SLC24A3: variants seen among roughly 807,000 people sequenced by gnomAD.
SLC24A3 encodes sodium/potassium/calcium exchanger 3.
Under a neutral mutation model 75.8 loss-of-function variants are expected in SLC24A3, and 28 were observed. The observed-to-expected ratio is 0.37, with a 90% CI of 0.27 to 0.51. The LOEUF is 0.51. SLC24A3 is among the 20% of genes least tolerant of loss of function. The probability of loss-of-function intolerance (pLI) is 0.94; values close to 1 mark genes in which losing one functional copy is unlikely to be tolerated. For missense variants in SLC24A3, 663 were observed against 847.8 expected, an observed-to-expected ratio of 0.78 and a Z score of 2.71; for synonymous variants, 372 against 334.1, an observed-to-expected ratio of 1.11 and a Z score of -1.24.
At chr20:19,609,179 C>T (rs1054400131) in intron 6 of SLC24A3, among the ~76,000 whole-genome samples, 4 of 152,122 alleles carry the variant, frequency 2.6e-5, no homozygotes, top group South Asian at 2.1e-4. Flanking sequence ...CCCAAACTCT[C>T]TTTATGACCA....
At chr20:19,459,919 C>T (rs1823370213) in intron 2 of SLC24A3, among the ~76,000 whole-genome samples, 2 of 152,198 alleles carry the variant, frequency 1.3e-5, no homozygotes, top group Admixed American at 6.5e-5. Context: ...CTATAAATCT[C>T]CTGGAGGTCT....
chr20:19,343,958 G>A (rs563670461), intron 2 of SLC24A3, among the ~76,000 whole-genome samples: 2 of 152,230 alleles, frequency 1.3e-5, no homozygotes, highest in South Asian at 2.1e-4. Flanking sequence ...TATTTCCTGT[G>A]GACCTCACCT....
intron 1 of SLC24A3, among the ~76,000 whole-genome samples, chr20:19,251,401 G>A (rs942777238): frequency 1.4e-4 from 22 of 152,196 alleles, no homozygotes; most frequent in Admixed American, 1.3e-3. Context: ...TGTCTGTTTC[G>A]CCAGTGTCTT....
chr20:19,603,259 C>A (rs2031551970), intron 6 of SLC24A3, among the ~76,000 whole-genome samples: 1 of 152,168 alleles, frequency 6.6e-6, no homozygotes, highest in South Asian at 2.1e-4. Flanking sequence ...GCAGTCCTGG[C>A]CACACCACAG....
In SLC24A3 at chr20:19,669,962, T is replaced by C. The variant is rs558319697; in HGVS notation, c.714-3639T>C. 6.1e-4 allele frequency among the ~76,000 whole-genome samples: 92 copies of C among 151,616 alleles called. 1 individual carries two copies. Among genetic ancestry groups the C allele is most frequent in the Admixed American group, 6.0e-3 (91 of 15,242 alleles). On this transcript the variant is annotated intron_variant, in intron 8 of 16. Transcript: ENST00000328041. ...GATCCTCAGAGGACAGCGGGTGAGG[T>C]GTGCTCAGGAGGAAAGGGGAGAAGG...
intron 9 of SLC24A3, among the ~76,000 whole-genome samples, chr20:19,674,069 G>A (rs913342633): frequency 6.6e-6 from 1 of 152,178 alleles, no homozygotes; most frequent in African/African-American, 2.4e-5. Flanking sequence ...CCGGTGGTCT[G>A]TGTAGACCCA....
chr20:19,659,027 G>T (rs766600887), intron 7 of SLC24A3, among the ~76,000 whole-genome samples: 9 of 152,222 alleles, frequency 5.9e-5, no homozygotes, highest in Non-Finnish European at 1.3e-4. Context: ...TGCTCTAAAA[G>T]AAATACTTTA....
At chr20:19,646,448 G>A (rs2032138063) in intron 6 of SLC24A3, among the ~76,000 whole-genome samples, 2 of 151,998 alleles carry the variant, frequency 1.3e-5, no homozygotes, top group Admixed American at 1.3e-4. Context: ...TATCTTATCT[G>A]GCAACTTTTA....
chr20:19,360,006 G>A (rs1353443014), intron 2 of SLC24A3, among the ~76,000 whole-genome samples: 5 of 152,242 alleles, frequency 3.3e-5, no homozygotes, highest in African/African-American at 9.6e-5. Context: ...GTCTACACAT[G>A]TAAAGTCTTA....
At chr20:19,507,545 C>T (rs6106094) in intron 2 of SLC24A3, among the ~76,000 whole-genome samples, 2,764 of 152,322 alleles carry the variant, frequency 0.018, 72 homozygotes, top group African/African-American at 0.063. Flanking sequence ...TCCTGATGTA[C>T]CTTTCAAGAA....
intron 2 of SLC24A3, among the ~76,000 whole-genome samples, chr20:19,339,283 G>A (rs542031267): frequency 6.6e-6 from 1 of 152,070 alleles, no homozygotes; most frequent in South Asian, 2.1e-4. Context: ...TATTTTTTAG[G>A]TATCTAGTTT....
At chr20:19,554,848 A>G (rs1440668838) in intron 3 of SLC24A3, among the ~76,000 whole-genome samples, 8 of 152,208 alleles carry the variant, frequency 5.3e-5, no homozygotes, top group Non-Finnish European at 1.2e-4. Context: ...TGGAGAAGTC[A>G]GAGTTTAGCA....
At chr20:19,585,132 A>AG in intron 5 of SLC24A3, 77 bp downstream of exon 5, 1 of 1,315,970 alleles carries the variant, frequency 7.6e-7, no homozygotes, top group Non-Finnish European at 1.1e-6. Context: ...TGGCCCCCAG[A>AG]CCGAGATTGT....
At chr20:19,608,097 C>T (rs1367122963) in intron 6 of SLC24A3, among the ~76,000 whole-genome samples, 1 of 152,236 alleles carries the variant, frequency 6.6e-6, no homozygotes, top group African/African-American at 2.4e-5. Context: ...GTCTGTGTCA[C>T]CTCCTGCAAG....
chr20:19,564,891 C>A (rs577913269), intron 3 of SLC24A3, among the ~76,000 whole-genome samples: 2 of 152,226 alleles, frequency 1.3e-5, no homozygotes, highest in East Asian at 1.9e-4. Flanking sequence ...TCACTGCAAC[C>A]TTTGCCTCCT....
At position 19,356,852 on chromosome 20, in the gene SLC24A3, T is replaced by TTAATAATAATAATAATAATAA. The variant is rs11275262; in HGVS notation, c.271+75770_271+75790dup. Among the ~76,000 whole-genome samples, 1,067 of 149,862 alleles carry TTAATAATAATAATAATAATAA rather than the reference T, an allele frequency of 7.1e-3. 21 individuals are homozygous for TTAATAATAATAATAATAATAA. The highest frequency in any genetic ancestry group is 0.024 in the African/African-American group (967 of 40,130). On this transcript the variant is annotated intron_variant, in intron 2 of 16. Coordinates refer to ENST00000328041, the MANE Select transcript of SLC24A3 (RefSeq NM_020689.4). ...GTACTTCATATTCTCAGACTTTGCA[T>TTAATAATAATAATAATAATAA]TAATAATAATAATAATAATAATAAT...
At chr20:19,543,720 A>G (rs73900405) in intron 3 of SLC24A3, among the ~76,000 whole-genome samples, 31,808 of 152,028 alleles carry the variant, frequency 0.21, 3,694 homozygotes, top group Middle Eastern at 0.25. Flanking sequence ...TGCGTAGCCA[A>G]CCCCCAGTAT....
intron 2 of SLC24A3, among the ~76,000 whole-genome samples, chr20:19,378,826 C>G (rs1291094369): frequency 6.6e-6 from 1 of 151,006 alleles, no homozygotes; most frequent in Non-Finnish European, 1.5e-5. Context: ...CAATCAATAG[C>G]TTTTTTAATG....
intron 2 of SLC24A3, among the ~76,000 whole-genome samples, chr20:19,440,645 GTTTTT>G (rs11469517): frequency 0.046 from 6,050 of 131,360 alleles, 397 homozygotes; most frequent in African/African-American, 0.15. Flanking sequence ...AGGCCTCACT[GTTTTT>G]TTTTTTTTTT....
Sources: allele counts gnomAD v4.1 joint callset (sites outside exome capture counted in the v4.1 genomes callset), GRCh38; gene constraint gnomAD v4.1.1; transcripts MANE v1.5; gene names NCBI Gene and HGNC (gene_info 2026-07-23, HGNC 2026-07-21).